LRRC36: variants seen among roughly 807,000 people sequenced by gnomAD.
LRRC36 encodes the protein leucine-rich repeat-containing protein 36.
A neutral mutation model predicts 81.1 loss-of-function variants in LRRC36; 62 were observed. The ratio of observed to expected loss-of-function variants is 0.76; its 90% CI spans 0.62 to 0.94. The LOEUF is 0.94. Ranked by LOEUF, LRRC36 falls within the 40% of genes least tolerant of loss-of-function variation. The pLI is 0.00. For missense variants in LRRC36, 761 were observed against 881.7 expected, an observed-to-expected ratio of 0.86 and a Z score of 1.73; for synonymous variants, 334 against 348.6, an observed-to-expected ratio of 0.96 and a Z score of 0.47.
At chr16:67,370,918 C>A in intron 8 of LRRC36, 26 bp from the exon 9 acceptor site, 2 of 1,595,422 alleles carry the variant, frequency 1.3e-6, no homozygotes, top group South Asian at 1.1e-5. Flanking sequence ...AGGGCAGGTT[C>A]ATCTGTTAGC....
At chr16:67,332,081 A>G (rs2037521387) in intron 1 of LRRC36, among the ~76,000 whole-genome samples, 1 of 152,216 alleles carries the variant, frequency 6.6e-6, no homozygotes, top group African/African-American at 2.4e-5. Context: ...TTCAATTTCC[A>G]AATGAGCTGT....
intron 12 of LRRC36, among the ~76,000 whole-genome samples, chr16:67,379,805 A>G (rs2040045082): frequency 6.6e-6 from 1 of 152,162 alleles, no homozygotes; most frequent in South Asian, 2.1e-4. Flanking sequence ...AATACAGAAC[A>G]TTTCTAGAAA....
At chr16:67,328,633 T>C (rs891813490) in intron 1 of LRRC36, among the ~76,000 whole-genome samples, 3 of 152,224 alleles carry the variant, frequency 2.0e-5, no homozygotes, top group Admixed American at 6.5e-5. Flanking sequence ...GTATCTTGGA[T>C]AGTTTTCCAG....
At chr16:67,380,962 G>A (rs1240763973) in intron 12 of LRRC36, among the ~76,000 whole-genome samples, 1 of 152,138 alleles carries the variant, frequency 6.6e-6, no homozygotes, top group Non-Finnish European at 1.5e-5. Context: ...AGTGGCTCAC[G>A]CCTGTAATCC....
At chr16:67,363,045 A>T (rs1019231728) in intron 5 of LRRC36, among the ~76,000 whole-genome samples, 7 of 152,100 alleles carry the variant, frequency 4.6e-5, no homozygotes, top group African/African-American at 1.7e-4. Context: ...AGCCTCCCAA[A>T]GTGCTGGGAT....
At chr16:67,360,081 C>T (rs2039075686) in intron 5 of LRRC36, among the ~76,000 whole-genome samples, 2 of 151,150 alleles carry the variant, frequency 1.3e-5, no homozygotes, top group Middle Eastern at 3.4e-3. Context: ...GCCGAGATTG[C>T]GCCATTGCAC....
At chr16:67,372,860 A>C (rs2142139424) in intron 9 of LRRC36, among the ~76,000 whole-genome samples, 1 of 152,276 alleles carries the variant, frequency 6.6e-6, no homozygotes, top group African/African-American at 2.4e-5. Flanking sequence ...TTGTGCACCA[A>C]AGGGGGCAGT....
chr16:67,383,964 A>T (rs2040203198), intron 13 of LRRC36, among the ~76,000 whole-genome samples: 2 of 152,252 alleles, frequency 1.3e-5, no homozygotes, highest in Non-Finnish European at 2.9e-5. Flanking sequence ...GTTAGTTCTC[A>T]TTCCTTTTTC....
intron 9 of LRRC36, 170 bp downstream of exon 9, chr16:67,371,412 C>T: frequency 1.3e-6 from 1 of 743,108 alleles, no homozygotes; most frequent in Non-Finnish European, 2.3e-6. Flanking sequence ...AGCCTTCTGC[C>T]CTTGGGAAAG....
intron 2 of LRRC36, among the ~76,000 whole-genome samples, chr16:67,345,664 A>G (rs1300795633): frequency 6.6e-6 from 1 of 152,192 alleles, no homozygotes. Context: ...AGACTGGTCC[A>G]GGAGTGAGGA....
chr16:67,377,154 G>A (rs916667383), intron 11 of LRRC36, among the ~76,000 whole-genome samples: 7 of 152,124 alleles, frequency 4.6e-5, no homozygotes, highest in Non-Finnish European at 1.0e-4. Context: ...TTAGGATAAT[G>A]TTCTTGAAGG....
rs750405101 is a variant in LRRC36 at position 67,382,220 on chromosome 16, C to T, written c.2018C>T (p.Thr673Ile). 5 of 1,614,040 alleles carry T rather than the reference C, an allele frequency of 3.1e-6. No individual in the cohort carries two copies. The South Asian group carries it at 4.4e-5, about 14-fold the overall frequency. ...GCCCAGCTGAAAAAGCTGGAGAAGACAGTTGCCATTCTCCATGAAAGTCAG... is the reference window on the plus strand; with the variant it reads ...GCCCAGCTGAAAAAGCTGGAGAAGATAGTTGCCATTCTCCATGAAAGTCAG... ...ELAQLKKLEK[T>I]VAILHESQRS... Residue 673 changes from threonine to isoleucine, a missense_variant, in exon 13 of 14, where the codon ACA becomes ATA. Thr to Ile is a moderately conservative substitution (Grantham distance 89). Coordinates refer to ENST00000329956, the MANE Select transcript of LRRC36 (RefSeq NM_018296.6).
At chr16:67,355,363 C>CTTTTTT (rs1156742689) in intron 5 of LRRC36, among the ~76,000 whole-genome samples, 44 of 77,706 alleles carry the variant, frequency 5.7e-4, no homozygotes, top group East Asian at 2.5e-3. Flanking sequence ...TTTAAGATGT[C>CTTTTTT]TTTTTTTTTT....
intron 6 of LRRC36, 149 bp downstream of exon 6, chr16:67,363,863 G>A: frequency 1.4e-6 from 1 of 721,250 alleles, no homozygotes; most frequent in Non-Finnish European, 2.2e-6. Context: ...AGGACAGAAT[G>A]CAGAGTACCT....
At chr16:67,371,351 A>G in intron 9 of LRRC36, 109 bp downstream of exon 9, 1 of 1,343,516 alleles carries the variant, frequency 7.4e-7, no homozygotes, top group Non-Finnish European at 1.1e-6. Context: ...CTAGAAATTC[A>G]AAGAGATTTT....
chr16:67,349,146 A>G (rs931540327), intron 4 of LRRC36, among the ~76,000 whole-genome samples: 1 of 152,198 alleles, frequency 6.6e-6, no homozygotes, highest in Admixed American at 6.5e-5. Flanking sequence ...TACAGAGATT[A>G]ATTAATGTGT....
intron 1 of LRRC36, among the ~76,000 whole-genome samples, chr16:67,335,991 C>T (rs2037744352): frequency 6.6e-6 from 1 of 152,220 alleles, no homozygotes. Context: ...CTCGGTCTCC[C>T]AAAGTGTTGG....
chr16:67,375,726 T>G (rs888918098), intron 10 of LRRC36, among the ~76,000 whole-genome samples: 1 of 152,174 alleles, frequency 6.6e-6, no homozygotes, highest in African/African-American at 2.4e-5. Flanking sequence ...TTTTAAAGAT[T>G]TTGTGATCCT....
At chr16:67,342,907 G>C (rs2038162614) in intron 2 of LRRC36, among the ~76,000 whole-genome samples, 1 of 152,126 alleles carries the variant, frequency 6.6e-6, no homozygotes, top group South Asian at 2.1e-4. Context: ...AACACATCCA[G>C]ACCCAATCCC....
Sources: allele counts gnomAD v4.1 joint callset (sites outside exome capture counted in the v4.1 genomes callset), GRCh38; gene constraint gnomAD v4.1.1; transcripts MANE v1.5; gene names NCBI Gene and HGNC (gene_info 2026-07-23, HGNC 2026-07-21).